Variants in DGKD observed in about 807,000 individuals in gnomAD.
DGKD encodes the protein diacylglycerol kinase delta.
In DGKD, 68 loss-of-function variants were observed where a neutral mutation model predicts 154.4. That is an observed-to-expected ratio of 0.44 (90% CI 0.36 to 0.54). The LOEUF (loss-of-function observed/expected upper bound fraction) is 0.54, where lower values mean the gene tolerates loss of function less well. DGKD is among the 20% of genes least tolerant of loss of function. DGKD has a pLI of 0.00. For missense variants in DGKD, 1,343 were observed against 1,593.6 expected (o/e 0.84, Z 2.68); for synonymous variants, 693 against 638.0 (o/e 1.09, Z -1.30).
At chr2:233,433,801 TA>T in intron 3 of DGKD, among the ~76,000 whole-genome samples, 1 of 152,362 alleles carries the variant, frequency 6.6e-6, no homozygotes, top group East Asian at 1.9e-4. Context: ...ATTTTTTTTC[TA>T]CTGATTGATA....
At chr2:233,461,413 G>A (rs918704412) in intron 24 of DGKD, among the ~76,000 whole-genome samples, 2 of 152,246 alleles carry the variant, frequency 1.3e-5, no homozygotes, top group African/African-American at 2.4e-5. Context: ...GGCTCTTGTC[G>A]AGCAGGTGGT....
At chr2:233,415,585 C>G (rs1017268509) in intron 3 of DGKD, among the ~76,000 whole-genome samples, 1 of 152,126 alleles carries the variant, frequency 6.6e-6, no homozygotes, top group African/African-American at 2.4e-5. Flanking sequence ...AGGAAATAGG[C>G]GTAGATTAAG....
Position 233,376,117 on chromosome 2 carries a change from A to G in DGKD, c.157-12140A>G, listed in dbSNP as rs550293499. The stretch of plus-strand genomic sequence containing the variant: ...ACAGAGCGCATGTGTGTATTTTGGG[A>G]TGTCGCACCTGCTGCTGGGGGTTAA... On this transcript the variant is annotated intron_variant, in intron 1 of 29. Coordinates refer to ENST00000264057, the MANE Select transcript of DGKD (RefSeq NM_152879.3). Among the ~76,000 whole-genome samples, 49 of 151,994 alleles carry G rather than the reference A, an allele frequency of 3.2e-4. No individual in the cohort carries two copies. The South Asian group carries it at 3.4e-3, about 10-fold the overall frequency.
At chr2:233,396,972 TGGGGGG>T (rs565720239) in intron 3 of DGKD, among the ~76,000 whole-genome samples, 2 of 43,278 alleles carry the variant, frequency 4.6e-5, no homozygotes, top group African/African-American at 9.6e-5. Flanking sequence ...CCAGGGTGGC[TGGGGGG>T]GGCAGAGCGA....
rs2125613508 is a variant in DGKD at position 233,441,791 on chromosome 2, G to A, written c.1086-96G>A. ...TCTGCCTCTGGTGCAGGTCAGCCAT[G>A]AGGAGCACAGGTGGCCCCTCAGCCC... On this transcript the variant is annotated intron_variant, in intron 9 of 29. Coordinates refer to ENST00000264057, the MANE Select transcript of DGKD (RefSeq NM_152879.3). This position sits in a 1 kb window ranked among gnomAD's most constrained non-coding sequence, Gnocchi z 5.6. The A allele has an allele frequency of 8.7e-7, 1 of 1,153,962 alleles. No homozygotes were observed. Among genetic ancestry groups the A allele is most frequent in the Non-Finnish European group, 1.3e-6 (1 of 789,006 alleles). The allele number at this position is 1,153,962 out of a possible 1,614,324, so 71.5% of individuals were successfully genotyped here.
rs775820956 is a variant in DGKD, at chr2:233,457,122, G to C, written c.2473-99G>C. ...ACTTGCCTGGGGATGCCCTGGCCAC[G>C]GCTGTGCTCCTGAGCCCCTGGCGGT... is the stretch of plus-strand genomic sequence containing the variant. On this transcript the variant is annotated intron_variant, in intron 20 of 29. Transcript: ENST00000264057. This position sits in a 1 kb window ranked among gnomAD's most constrained non-coding sequence, Gnocchi z 5.5. The C allele has an allele frequency of 4.6e-6, 6 of 1,311,586 alleles. No homozygotes were observed. The highest frequency in any genetic ancestry group is 6.5e-6 in the Non-Finnish European group (6 of 924,200). The allele number at this position is 1,311,586 out of a possible 1,614,324, so 81.2% of individuals were successfully genotyped here. A position where few individuals can be genotyped will look rare whatever the true frequency, so the allele number is the denominator to read the frequency against.
At chr2:233,427,300 C>A (rs1170153873) in intron 3 of DGKD, among the ~76,000 whole-genome samples, 3 of 147,074 alleles carry the variant, frequency 2.0e-5, no homozygotes, top group Non-Finnish European at 3.0e-5. Flanking sequence ...CCTGGGATGT[C>A]ATTCATTTGT....
At chr2:233,418,125 T>C (rs553098641) in intron 3 of DGKD, among the ~76,000 whole-genome samples, 1 of 152,398 alleles carries the variant, frequency 6.6e-6, no homozygotes, top group African/African-American at 2.4e-5. Flanking sequence ...TGAACATCTT[T>C]CTGTGTCCAT....
chr2:233,459,682 T>G lies in DGKD; in HGVS notation c.2695-75T>G. ...ACGGGTGTGTGGAGCAGGAAGGTCA[T>G]GGTGGTGCTGATAGCACTTTTAAAC... On this transcript the variant is annotated intron_variant, in intron 22 of 29. Coordinates refer to ENST00000264057, the MANE Select transcript of DGKD (RefSeq NM_152879.3). The surrounding 1 kb of genome is among the most constrained non-coding windows in gnomAD (Gnocchi z 5.7). 2 of 1,555,316 alleles carry G rather than the reference T, an allele frequency of 1.3e-6. No individual in the cohort carries two copies. Among genetic ancestry groups the G allele is most frequent in the Non-Finnish European group, 8.7e-7 (1 of 1,147,038 alleles).
At chr2:233,455,774 T>G (rs908914439) in intron 19 of DGKD, among the ~76,000 whole-genome samples, 2 of 152,214 alleles carry the variant, frequency 1.3e-5, no homozygotes, top group Non-Finnish European at 2.9e-5. Flanking sequence ...TGCTGACACC[T>G]GAGGGTCCAG....
At chr2:233,394,880 A>AT (rs1265173262) in intron 3 of DGKD, among the ~76,000 whole-genome samples, 1 of 149,326 alleles carries the variant, frequency 6.7e-6, no homozygotes, top group Non-Finnish European at 1.5e-5. Context: ...CTAATTTTTT[A>AT]TTTTTTGTAG....
chr2:233,452,145 A>G lies in DGKD; in HGVS notation c.2264+85A>G, dbSNP rs2063314902. Reference sequence around the variant, plus strand: ...ACAGATCTCAGGATTAACTAGAGAAATTAGTGAGCAGTTGCCCAGCTGGTG... The same window carrying G: ...ACAGATCTCAGGATTAACTAGAGAAGTTAGTGAGCAGTTGCCCAGCTGGTG... On this transcript the variant is annotated intron_variant, in intron 18 of 29. Coordinates refer to ENST00000264057, the MANE Select transcript of DGKD (RefSeq NM_152879.3). The surrounding 1 kb of genome is among the most constrained non-coding windows in gnomAD (Gnocchi z 4.0). 7.7e-7 allele frequency: 1 copy of G among 1,296,892 alleles called. No individual in the cohort carries two copies. The highest frequency in any genetic ancestry group is 1.1e-6 in the Non-Finnish European group (1 of 899,066). The allele number at this position is 1,296,892 out of a possible 1,614,324, so 80.3% of individuals were successfully genotyped here.
rs879385728 is a variant in DGKD, at chr2:233,452,844, A to G, written c.2264+784A>G. ...GGCAGTTGGTTAAATGTGGCCAGCC[A>G]TTTTTCTGGAGTGGTGACGGACAGT... On this transcript the variant is annotated intron_variant, in intron 18 of 29. Transcript: ENST00000264057. This position sits in a 1 kb window ranked among gnomAD's most constrained non-coding sequence, Gnocchi z 4.0. Among the ~76,000 whole-genome samples, 7 of 152,146 alleles carry G rather than the reference A, an allele frequency of 4.6e-5. No homozygotes were observed. The highest frequency in any genetic ancestry group is 4.6e-4 in the Admixed American group (7 of 15,278).
intron 3 of DGKD, among the ~76,000 whole-genome samples, chr2:233,399,728 A>G (rs1326602856): frequency 6.6e-6 from 1 of 151,982 alleles, no homozygotes; most frequent in Non-Finnish European, 1.5e-5. Context: ...TTGTTAGAAG[A>G]GTCTGTCTGC....
intron 3 of DGKD, among the ~76,000 whole-genome samples, chr2:233,424,673 GGA>G (rs1449881501): frequency 1.3e-5 from 2 of 152,214 alleles, no homozygotes; most frequent in Non-Finnish European, 2.9e-5. Flanking sequence ...GGCTCCGCCT[GGA>G]GCCCCCCTGC....
At chr2:233,384,044 T>C (rs1003819336) in intron 1 of DGKD, among the ~76,000 whole-genome samples, 2 of 151,588 alleles carry the variant, frequency 1.3e-5, no homozygotes, top group Non-Finnish European at 2.9e-5. Flanking sequence ...AATAGCAAGG[T>C]CACATAACAG....
Position 233,445,542 on chromosome 2 carries a change from G to A in DGKD, c.1195-81G>A, listed in dbSNP as rs2063037197. ...CATTGCTAACGTAACCCTCACGGTG[G>A]GGGACAAGGAGGGCTGCGGGCTGGG... On this transcript the variant is annotated intron_variant, in intron 10 of 29. Transcript: ENST00000264057. This position sits in a 1 kb window ranked among gnomAD's most constrained non-coding sequence, Gnocchi z 5.5. 1 of 1,504,072 alleles carries A rather than the reference G, an allele frequency of 6.6e-7. No individual in the cohort carries two copies. The highest frequency in any genetic ancestry group is 2.4e-5 in the East Asian group (1 of 41,952). The allele number at this position is 1,504,072 out of a possible 1,614,324, so 93.2% of individuals were successfully genotyped here.
intron 1 of DGKD, among the ~76,000 whole-genome samples, chr2:233,383,919 G>T (rs1400976917): frequency 6.6e-6 from 1 of 152,224 alleles, no homozygotes; most frequent in Non-Finnish European, 1.5e-5. Flanking sequence ...TGTTCCGGCA[G>T]TGGGAAGCAG....
intron 3 of DGKD, among the ~76,000 whole-genome samples, chr2:233,432,831 T>G (rs2062575068): frequency 1.3e-5 from 2 of 152,058 alleles, no homozygotes; most frequent in Non-Finnish European, 2.9e-5. Flanking sequence ...GGCAAGTAGG[T>G]ATATGAAAAA....
Sources: allele counts gnomAD v4.1 joint callset (sites outside exome capture counted in the v4.1 genomes callset), GRCh38; gene constraint gnomAD v4.1.1; non-coding constraint Gnocchi (gnomAD v3.1); transcripts MANE v1.5; gene names NCBI Gene and HGNC (gene_info 2026-07-23, HGNC 2026-07-21).